Variants in MBNL2 observed in about 807,000 individuals in gnomAD.
The protein encoded by MBNL2 is muscleblind like splicing regulator 2.
MBNL2 carries 17 observed loss-of-function variants against 41.9 expected under a neutral mutation model. The ratio of observed to expected loss-of-function variants is 0.41; its 90% CI spans 0.28 to 0.61. The LOEUF (loss-of-function observed/expected upper bound fraction) is 0.61. Among genes scored for constraint, MBNL2 ranks in the 20% least tolerant of loss-of-function variants. The pLI is 0.35. For missense variants in MBNL2, 336 were observed against 505.6 expected (o/e 0.66, Z 3.22); for synonymous variants, 195 against 182.9 (o/e 1.07, Z -0.53).
intron 2 of MBNL2, among the ~76,000 whole-genome samples, chr13:97,297,443 C>A (rs1158516635): frequency 2.0e-5 from 3 of 151,980 alleles, no homozygotes; most frequent in African/African-American, 7.3e-5. Flanking sequence ...CCAGGGGTTG[C>A]GGAGGTCAGA....
At chr13:97,300,059 C>G (rs531116655) in intron 2 of MBNL2, among the ~76,000 whole-genome samples, 120 of 152,208 alleles carry the variant, frequency 7.9e-4, no homozygotes, top group African/African-American at 2.7e-3. Context: ...ATAGTCAAGG[C>G]TGGGTCACTG....
chr13:97,184,302 ATC>A, the MBNL2 span, among the ~76,000 whole-genome samples: 7 of 152,202 alleles, frequency 4.6e-5, no homozygotes, highest in African/African-American at 1.4e-4. Flanking sequence ...CGTGAGAATA[ATC>A]TCTCTTTTCT....
the MBNL2 span, among the ~76,000 whole-genome samples, chr13:97,175,915 TCTGAAACC>T: frequency 6.6e-6 from 1 of 152,004 alleles, no homozygotes. Flanking sequence ...GTTAGGAAAA[TCTGAAACC>T]CTGAAACATG....
In MBNL2 at chr13:97,276,205, A is replaced by G. The variant is rs2052097021; in HGVS notation, c.-31A>G. 1.9e-6 allele frequency: 3 copies of G among 1,576,178 alleles called. No homozygotes were observed. The East Asian group carries it at 6.7e-5, about 35-fold the overall frequency. Reference sequence around the variant, plus strand: ...ACTTGGATTGATTTCATCATTTAACAGAAACAAACAGCCCAAATTACTTTA... The same window carrying G: ...ACTTGGATTGATTTCATCATTTAACGGAAACAAACAGCCCAAATTACTTTA... On this transcript the variant is annotated 5_prime_UTR_variant, in exon 2 of 9. Transcript: ENST00000679496.
intron 1 of MBNL2, among the ~76,000 whole-genome samples, chr13:97,271,685 G>T (rs2152918673): frequency 6.6e-6 from 1 of 152,142 alleles, no homozygotes; most frequent in East Asian, 1.9e-4. Context: ...TGCCGTATTT[G>T]GTTTTCTGTT....
chr13:97,387,642 C>G (rs943653054), intron 8 of MBNL2, among the ~76,000 whole-genome samples: 1 of 152,214 alleles, frequency 6.6e-6, no homozygotes, highest in Non-Finnish European at 1.5e-5. Flanking sequence ...TCCCCATGCC[C>G]TGGAGGGGAT....
intron 1 of MBNL2, among the ~76,000 whole-genome samples, chr13:97,266,674 A>T (rs117956006): frequency 3.1e-3 from 476 of 152,362 alleles, no homozygotes; most frequent in Non-Finnish European, 5.6e-3. Flanking sequence ...TAGAGTGGGG[A>T]CGCTCCAACA....
the MBNL2 span, among the ~76,000 whole-genome samples, chr13:97,178,295 T>G: frequency 6.6e-6 from 1 of 152,218 alleles, no homozygotes; most frequent in Non-Finnish European, 1.5e-5. Context: ...TTTAACTATC[T>G]GAGACGAATA....
chr13:97,204,880 C>A, the MBNL2 span, among the ~76,000 whole-genome samples: 1 of 152,128 alleles, frequency 6.6e-6, no homozygotes, highest in Non-Finnish European at 1.5e-5. Flanking sequence ...TTGAGACTAG[C>A]CTGGCCGACA....
At chr13:97,306,565 T>C (rs2058147775) in intron 2 of MBNL2, among the ~76,000 whole-genome samples, 1 of 152,244 alleles carries the variant, frequency 6.6e-6, no homozygotes. Flanking sequence ...TTTGTAGACA[T>C]GATGGAGAGG....
At chr13:97,299,270 G>T (rs1566402317) in intron 2 of MBNL2, among the ~76,000 whole-genome samples, 2 of 151,828 alleles carry the variant, frequency 1.3e-5, no homozygotes, top group East Asian at 3.9e-4. Context: ...TTCTAACATT[G>T]ACAGTGTTTT....
At chr13:97,347,520 A>G (rs566190330) in intron 5 of MBNL2, among the ~76,000 whole-genome samples, 1 of 152,314 alleles carries the variant, frequency 6.6e-6, no homozygotes, top group African/African-American at 2.4e-5. Context: ...CCAGAGAGTG[A>G]TTTGGCTTTT....
the MBNL2 span, among the ~76,000 whole-genome samples, chr13:97,159,575 C>G: frequency 5.9e-5 from 9 of 151,978 alleles, no homozygotes; most frequent in East Asian, 1.7e-3. Flanking sequence ...TTCAGGAGCT[C>G]TTTTAGGGCA....
chr13:97,253,737 A>G (rs1181842614), intron 1 of MBNL2, among the ~76,000 whole-genome samples: 1 of 152,124 alleles, frequency 6.6e-6, no homozygotes, highest in Non-Finnish European at 1.5e-5. Flanking sequence ...CATTTGAGAC[A>G]GTAACATTGT....
chr13:97,255,019 ACC>A (rs2047263585), intron 1 of MBNL2, among the ~76,000 whole-genome samples: 1 of 152,196 alleles, frequency 6.6e-6, no homozygotes, highest in Non-Finnish European at 1.5e-5. Context: ...GAAATCATCA[ACC>A]TTAATGAACC....
the MBNL2 span, among the ~76,000 whole-genome samples, chr13:97,144,423 CTTTTTTTTT>C: frequency 1.4e-3 from 168 of 118,012 alleles, no homozygotes; most frequent in Admixed American, 2.8e-3. Context: ...CATGATACTT[CTTTTTTTTT>C]TTTTTTTTTT....
chr13:97,275,135 G>A (rs1412438380), intron 1 of MBNL2, among the ~76,000 whole-genome samples: 1 of 152,070 alleles, frequency 6.6e-6, no homozygotes, highest in East Asian at 1.9e-4. Context: ...AATATCAAGA[G>A]GATCCTACCT....
At chr13:97,203,459 C>T in the MBNL2 span, among the ~76,000 whole-genome samples, 5 of 152,324 alleles carry the variant, frequency 3.3e-5, no homozygotes, top group South Asian at 2.1e-4. Context: ...ATTCCTACCA[C>T]GTCCATCCCC....
intron 5 of MBNL2, among the ~76,000 whole-genome samples, chr13:97,352,757 A>G (rs1414955091): frequency 6.6e-6 from 1 of 152,242 alleles, no homozygotes; most frequent in Admixed American, 6.5e-5. Context: ...GTACCATACA[A>G]CAAAGTGCAA....
Sources: gnomAD v4.1 joint callset for allele counts (sites outside exome capture counted in the v4.1 genomes callset) on GRCh38, gnomAD v4.1.1 for gene constraint, MANE v1.5 for transcripts, NCBI Gene and HGNC (gene_info 2026-07-23, HGNC 2026-07-21) for gene names.